Variants in CABCOCO1 observed in about 807,000 individuals in gnomAD.
CABCOCO1 encodes ciliary-associated calcium-binding coiled-coil protein 1.
In CABCOCO1, 28 loss-of-function variants were observed where a neutral mutation model predicts 35.7. The observed-to-expected ratio is 0.78, with a 90% confidence interval of 0.58 to 1.07. The LOEUF (loss-of-function observed/expected upper bound fraction) is 1.07, where lower values mean the gene tolerates loss of function less well. Ranked by LOEUF, CABCOCO1 falls within the 50% of genes least tolerant of loss-of-function variation. CABCOCO1 has a pLI of 0.00. For synonymous variants in CABCOCO1, 95 were observed against 100.1 expected (o/e 0.95, Z 0.30); for missense variants, 326 against 309.2 (o/e 1.05, Z -0.41).
intron 5 of CABCOCO1, among the ~76,000 whole-genome samples, chr10:61,753,830 G>A (rs1392459506): frequency 1.3e-5 from 2 of 152,076 alleles, no homozygotes; most frequent in African/African-American, 2.4e-5. Context: ...TTCAAATAAC[G>A]TGGTATTGAA....
At chr10:61,677,068 A>AATAATAATAATAATAATAAT (rs375409640) in intron 2 of CABCOCO1, among the ~76,000 whole-genome samples, 4,132 of 144,224 alleles carry the variant, frequency 0.029, 73 homozygotes, top group African/African-American at 0.036. Flanking sequence ...CTGTCTCAAA[A>AATAATAATAATAATAATAAT]AATAATAATA....
At chr10:61,753,822 C>A (rs1333095559) in intron 5 of CABCOCO1, among the ~76,000 whole-genome samples, 1 of 152,146 alleles carries the variant, frequency 6.6e-6, no homozygotes, top group Middle Eastern at 3.2e-3. Context: ...AGGAACTCTT[C>A]AAATAACGTG....
At chr10:61,709,823 C>T (rs1173180003) in intron 5 of CABCOCO1, among the ~76,000 whole-genome samples, 1 of 151,840 alleles carries the variant, frequency 6.6e-6, no homozygotes, top group Non-Finnish European at 1.5e-5. Flanking sequence ...GAAAAAGAAG[C>T]TTTATTTATA....
At chr10:61,753,201 T>G (rs972311178) in intron 5 of CABCOCO1, among the ~76,000 whole-genome samples, 23 of 152,240 alleles carry the variant, frequency 1.5e-4, no homozygotes, top group African/African-American at 5.3e-4. Context: ...TTTTAAATAT[T>G]AAACACCTCA....
In CABCOCO1 at chr10:61,662,978, G is replaced by A. The variant is rs1467403235; in HGVS notation, c.6G>A (p.Ser2=). The stretch of plus-strand genomic sequence containing the variant: ...TCTCGGCCGAGATTGCGGCGATGTC[G>A]CAGGGGACGACTCCCTGGGGGCCGA... The part of the protein sequence containing the change: M[S]QGTTPWGPTP... Residue 2 remains serine, a synonymous_variant, in exon 1 of 8, where the codon TCG becomes TCA. Transcript: ENST00000648843. 1 of 235,336 alleles carries A rather than the reference G, an allele frequency of 4.2e-6. No homozygotes were observed. Among genetic ancestry groups the A allele is most frequent in the Non-Finnish European group, 8.2e-6 (1 of 121,672 alleles). The allele number at this position is 235,336 out of a possible 1,614,324, so 14.6% of individuals were successfully genotyped here. A position where few individuals can be genotyped will look rare whatever the true frequency, so the allele number is the denominator to read the frequency against.
intron 5 of CABCOCO1, among the ~76,000 whole-genome samples, chr10:61,729,104 C>T (rs1374921111): frequency 6.6e-6 from 1 of 152,038 alleles, no homozygotes; most frequent in Non-Finnish European, 1.5e-5. Context: ...GGTTTTAAGA[C>T]AAATAGATAA....
At chr10:61,675,444 A>C (rs1194558710) in intron 2 of CABCOCO1, among the ~76,000 whole-genome samples, 1 of 152,192 alleles carries the variant, frequency 6.6e-6, no homozygotes, top group Non-Finnish European at 1.5e-5. Context: ...AAAGTGGTGG[A>C]GGAAGTGTGG....
chr10:61,690,216 T>G (rs1840094561), intron 4 of CABCOCO1, among the ~76,000 whole-genome samples: 1 of 152,162 alleles, frequency 6.6e-6, no homozygotes, highest in South Asian at 2.1e-4. Flanking sequence ...TCATGTTATT[T>G]AGTAATGGTG....
intron 5 of CABCOCO1, among the ~76,000 whole-genome samples, chr10:61,698,260 A>G (rs1840346930): frequency 6.6e-6 from 1 of 152,108 alleles, no homozygotes; most frequent in African/African-American, 2.4e-5. Flanking sequence ...ATTTAAGCCA[A>G]CTCACTCAAT....
chr10:61,712,907 G>A (rs1840767407), intron 5 of CABCOCO1, among the ~76,000 whole-genome samples: 1 of 152,012 alleles, frequency 6.6e-6, no homozygotes, highest in African/African-American at 2.4e-5. Flanking sequence ...GGTTACTGTA[G>A]CCCTTGTAGT....
intron 5 of CABCOCO1, among the ~76,000 whole-genome samples, chr10:61,736,743 T>A (rs1255727659): frequency 6.6e-6 from 1 of 152,244 alleles, no homozygotes; most frequent in African/African-American, 2.4e-5. Context: ...ATATAGCCAT[T>A]TTAATGATAT....
intron 5 of CABCOCO1, among the ~76,000 whole-genome samples, chr10:61,756,955 CTTTA>C (rs1404982470): frequency 3.3e-5 from 5 of 151,888 alleles, no homozygotes; most frequent in Admixed American, 1.3e-4. Context: ...ATAAAACTAG[CTTTA>C]TTTAATTTGT....
At chr10:61,685,810 A>T (rs1589120935) in intron 3 of CABCOCO1, among the ~76,000 whole-genome samples, 1 of 152,106 alleles carries the variant, frequency 6.6e-6, no homozygotes, top group African/African-American at 2.4e-5. Flanking sequence ...TGATCCACCC[A>T]CCTTGGCCTC....
At chr10:61,688,293 T>G (rs920976270) in intron 4 of CABCOCO1, among the ~76,000 whole-genome samples, 3 of 152,190 alleles carry the variant, frequency 2.0e-5, no homozygotes, top group African/African-American at 7.2e-5. Flanking sequence ...GATATTAAGT[T>G]TACCCAACCA....
intron 5 of CABCOCO1, among the ~76,000 whole-genome samples, chr10:61,721,914 T>C (rs1172480652): frequency 6.6e-6 from 1 of 152,150 alleles, no homozygotes; most frequent in Non-Finnish European, 1.5e-5. Flanking sequence ...ATGCAGACAA[T>C]GAACTACAGA....
At chr10:61,757,706 C>CAA (rs529750499) in intron 5 of CABCOCO1, among the ~76,000 whole-genome samples, 3 of 151,118 alleles carry the variant, frequency 2.0e-5, no homozygotes, top group Non-Finnish European at 4.4e-5. Context: ...CACAGACACA[C>CAA]ACACACACAC....
intron 5 of CABCOCO1, among the ~76,000 whole-genome samples, chr10:61,706,496 T>G (rs928902446): frequency 6.6e-6 from 1 of 152,208 alleles, no homozygotes; most frequent in African/African-American, 2.4e-5. Context: ...CAGTCACCTA[T>G]TCAACATAAT....
Position 61,760,969 on chromosome 10 carries a change from A to G in CABCOCO1, c.782A>G (p.Asp261Gly). Residue 261 changes from aspartate (D) to glycine (G), a missense_variant, in exon 7 of 8, where the codon GAT becomes GGT. By Grantham distance (94) the Asp-to-Gly change is moderately conservative. Coordinates refer to ENST00000648843, the MANE Select transcript of CABCOCO1 (RefSeq NM_001366906.2). ...ATTGAAGATGTAAAATCAGTGCTGG[A>G]TCAAGTCACAGATGACATTTTAATC... ...FTIEDVKSVL[D>G]QVTDDILIGI... is the part of the protein sequence containing the mutation. The G allele has an allele frequency of 6.2e-7, 1 of 1,612,616 alleles. No individual in the cohort carries two copies. Among genetic ancestry groups the G allele is most frequent in the East Asian group, 2.2e-5 (1 of 44,860 alleles).
At chr10:61,739,637 A>G (rs555468379) in intron 5 of CABCOCO1, among the ~76,000 whole-genome samples, 178 of 152,264 alleles carry the variant, frequency 1.2e-3, no homozygotes, top group African/African-American at 4.2e-3. Flanking sequence ...TAGCAACGGT[A>G]ATGGAAAGGA....
Sources: gnomAD v4.1 joint callset for allele counts (sites outside exome capture counted in the v4.1 genomes callset) on GRCh38, gnomAD v4.1.1 for gene constraint, MANE v1.5 for transcripts, NCBI Gene and HGNC (gene_info 2026-07-23, HGNC 2026-07-21) for gene names.